Variants in PIK3C2B observed in about 807,000 individuals in gnomAD.
The protein encoded by PIK3C2B is phosphatidylinositol 4-phosphate 3-kinase C2 domain-containing subunit beta.
In PIK3C2B, 83 loss-of-function variants were observed where a neutral mutation model predicts 184.3. The ratio of observed to expected loss-of-function variants is 0.45; its 90% confidence interval spans 0.38 to 0.54. The LOEUF (loss-of-function observed/expected upper bound fraction) is 0.54, where lower values mean the gene tolerates loss of function less well. PIK3C2B is among the 20% of genes least tolerant of loss of function. The pLI is 0.00. For synonymous variants in PIK3C2B, 779 were observed against 837.6 expected, an observed-to-expected ratio of 0.93 and a Z score of 1.21; for missense variants, 1,736 against 2,113.5, an observed-to-expected ratio of 0.82 and a Z score of 3.50.
rs1294903699 is a variant in PIK3C2B at position 204,424,064 on chromosome 1, G to A, written c.*788C>T. The A allele has an allele frequency of 1.3e-5, 2 of 152,960 alleles. No individual in the cohort carries two copies. The highest frequency in any genetic ancestry group is 3.9e-4 in the East Asian group (2 of 5,188). 9.5% of individuals were successfully genotyped at this position (152,960 alleles called of 1,614,324 possible). On this transcript the variant is annotated 3_prime_UTR_variant, in exon 33 of 33. Transcript: ENST00000684373. ...AGTCCTAATAAAGTAGGGAAGACAA[G>A]AGGAAAAGTCCCCCCAAAAGAGCAT...
At position 204,460,317 on chromosome 1, in the gene PIK3C2B, C is replaced by T. The variant is rs770164854; in HGVS notation, c.1502+7G>A. 2.5e-6 allele frequency: 4 copies of T among 1,609,070 alleles called. No individual in the cohort carries two copies. The highest frequency in any genetic ancestry group is 3.4e-6 in the Non-Finnish European group (4 of 1,175,466). On this transcript the variant is annotated splice_region_variant and intron_variant, in intron 7 of 32. Coordinates refer to ENST00000684373, the MANE Select transcript of PIK3C2B (RefSeq NM_001377334.1). ...TGGAGCACATCCAAGATGGTGCCCA[C>T]ACTCACCTGCTGATGGTCTGCTTGA...
In PIK3C2B at chr1:204,424,541, C is replaced by A; in HGVS notation, c.*311G>T. The A allele has an allele frequency of 2.4e-5, 7 of 297,538 alleles. No individual in the cohort carries two copies. Among genetic ancestry groups the A allele is most frequent in the African/African-American group, 2.9e-5 (1 of 34,332 alleles). 18.4% of individuals were successfully genotyped at this position (297,538 alleles called of 1,614,324 possible). A position where few individuals can be genotyped will look rare whatever the true frequency, so the allele number is the denominator to read the frequency against. On this transcript the variant is annotated 3_prime_UTR_variant, in exon 33 of 33. Coordinates refer to ENST00000684373, the MANE Select transcript of PIK3C2B (RefSeq NM_001377334.1). ...CCCACCCCCAAAATGCTACTTCATA[C>A]AGCCCACCCCACACACTCCCCAAAC... is the stretch of plus-strand genomic sequence containing the variant.
At chr1:204,485,156 C>A (rs977937274) in intron 1 of PIK3C2B, among the ~76,000 whole-genome samples, 1 of 151,890 alleles carries the variant, frequency 6.6e-6, no homozygotes. Flanking sequence ...TCAAGCAATC[C>A]TCCCACCCCG....
intron 1 of PIK3C2B, among the ~76,000 whole-genome samples, chr1:204,475,975 T>C (rs1217889449): frequency 6.6e-6 from 1 of 151,844 alleles, no homozygotes; most frequent in East Asian, 1.9e-4. Flanking sequence ...TGCTGAGAGG[T>C]GGCAGTGAGG....
intron 27 of PIK3C2B, 94 bp downstream of exon 27, chr1:204,432,106 G>C: frequency 8.9e-7 from 1 of 1,122,924 alleles, no homozygotes; most frequent in South Asian, 1.3e-5. Flanking sequence ...GTCAACTCCT[G>C]TGCCCACTGT....
chr1:204,452,117 A>G (rs1654412784), intron 12 of PIK3C2B, among the ~76,000 whole-genome samples: 1 of 152,080 alleles, frequency 6.6e-6, no homozygotes, highest in Non-Finnish European at 1.5e-5. Flanking sequence ...TGCCCTTCAC[A>G]AGGCGCTAGG....
intron 1 of PIK3C2B, among the ~76,000 whole-genome samples, chr1:204,487,779 T>C (rs1657724952): frequency 6.6e-6 from 1 of 152,116 alleles, no homozygotes; most frequent in South Asian, 2.1e-4. Context: ...GGGCACCTTA[T>C]CACAATCGAT....
chr1:204,461,802 G>A (rs1430264581), intron 5 of PIK3C2B, among the ~76,000 whole-genome samples: 9 of 151,920 alleles, frequency 5.9e-5, no homozygotes, highest in Admixed American at 1.3e-4. Flanking sequence ...GAGGTGGCAG[G>A]AAACCCAACC....
rs1675243325 is a variant in PIK3C2B at position 204,434,605 on chromosome 1, C to A, written c.3520G>T (p.Val1174Leu). ...NPGEDEYEKA[V>L]ENFIYSCAGC... ...GCGCAGGAGTAGATAAAGTTCTCCA[C>A]AGCCTGGGAGGGGTCAAGGCAGATG... Residue 1174 changes from valine (V) to leucine (L), a missense_variant, in exon 24 of 33, where the codon GTG (valine) becomes TTG (leucine). Physicochemically the swap from Val to Leu is conservative, Grantham distance 32. Coordinates refer to ENST00000684373, the MANE Select transcript of PIK3C2B (RefSeq NM_001377334.1). 1 of 1,612,568 alleles carries A rather than the reference C, an allele frequency of 6.2e-7. No homozygotes were observed. The highest frequency in any genetic ancestry group is 8.5e-7 in the Non-Finnish European group (1 of 1,178,920).
chr1:204,484,166 A>G (rs1452762547), intron 1 of PIK3C2B, among the ~76,000 whole-genome samples: 1 of 152,192 alleles, frequency 6.6e-6, no homozygotes, highest in Non-Finnish European at 1.5e-5. Context: ...TCACAGAAAT[A>G]GAAGGAAGGA....
At chr1:204,466,142 G>A (rs1320816996) in intron 2 of PIK3C2B, among the ~76,000 whole-genome samples, 1 of 152,236 alleles carries the variant, frequency 6.6e-6, no homozygotes, top group Non-Finnish European at 1.5e-5. Flanking sequence ...CCAGCCCTAG[G>A]GAGAAGGAAG....
chr1:204,475,395 G>C (rs1656635164), intron 1 of PIK3C2B, among the ~76,000 whole-genome samples: 3 of 152,080 alleles, frequency 2.0e-5, no homozygotes, highest in Non-Finnish European at 4.4e-5. Flanking sequence ...CATGTTTATG[G>C]ATCCATCACC....
chr1:204,424,645 A>G lies in PIK3C2B; in HGVS notation c.*207T>C, dbSNP rs756910845. The stretch of plus-strand genomic sequence containing the variant: ...AGCCTCCAAGGGGCTGCTCATCACA[A>G]CCAACCCAAGTTCAGTCTCCAGAGG... On this transcript the variant is annotated 3_prime_UTR_variant, in exon 33 of 33. Transcript: ENST00000684373. 6 of 746,446 alleles carry G rather than the reference A, an allele frequency of 8.0e-6. No individual in the cohort carries two copies. The highest frequency in any genetic ancestry group is 1.5e-5 in the Non-Finnish European group (6 of 407,948). The allele number at this position is 746,446 out of a possible 1,614,324, so 46.2% of individuals were successfully genotyped here.
intron 12 of PIK3C2B, 197 bp downstream of exon 12, chr1:204,454,472 G>T: frequency 3.9e-6 from 2 of 514,902 alleles, no homozygotes; most frequent in South Asian, 2.7e-5. Flanking sequence ...ACAAAGCGAG[G>T]CTGCCTCTCA....
At chr1:204,455,503 C>A (rs915801965) in intron 11 of PIK3C2B, among the ~76,000 whole-genome samples, 9 of 152,128 alleles carry the variant, frequency 5.9e-5, no homozygotes, top group Non-Finnish European at 1.3e-4. Context: ...CTCCCCACCC[C>A]CTCCCACTGG....
chr1:204,446,123 C>G lies in PIK3C2B; in HGVS notation c.2511G>C (p.Lys837Asn), dbSNP rs770333143. The change falls in exon 16 of 33, where the codon AAG becomes AAC. Residue 837 changes from lysine (K) to asparagine (N), a missense_variant. Transcript: ENST00000684373. Reference protein sequence around the residue: ...SLYWLTDADKKRLWEKRYYCH... With the variant: ...SLYWLTDADKNRLWEKRYYCH... ...AGTAATATCGCTTCTCCCACAGGCGCTTCTTGTCAGCATCAGTGAGCCTGG... is the reference window on the plus strand; with the variant it reads ...AGTAATATCGCTTCTCCCACAGGCGGTTCTTGTCAGCATCAGTGAGCCTGG... 21 of 1,569,004 alleles carry G rather than the reference C, an allele frequency of 1.3e-5. No homozygotes were observed. In the East Asian group the frequency reaches 4.8e-4, roughly 36 times the overall value.
At chr1:204,487,589 A>C (rs1029432263) in intron 1 of PIK3C2B, among the ~76,000 whole-genome samples, 3 of 152,154 alleles carry the variant, frequency 2.0e-5, no homozygotes, top group African/African-American at 4.8e-5. Context: ...TTGAAGGCAA[A>C]ATTGTAATGT....
intron 28 of PIK3C2B, among the ~76,000 whole-genome samples, chr1:204,430,359 T>C (rs1321020556): frequency 6.6e-6 from 1 of 152,092 alleles, no homozygotes; most frequent in Admixed American, 6.5e-5. Context: ...CCTTTTTTTT[T>C]TTTTGAGATG....
intron 1 of PIK3C2B, among the ~76,000 whole-genome samples, chr1:204,472,218 C>T (rs938751878): frequency 2.6e-4 from 39 of 150,200 alleles, no homozygotes; most frequent in East Asian, 7.9e-4. Flanking sequence ...GGCTGGAGTG[C>T]AGTGGCAGGA....
Sources: gnomAD v4.1 joint callset for allele counts (sites outside exome capture counted in the v4.1 genomes callset) on GRCh38, gnomAD v4.1.1 for gene constraint, MANE v1.5 for transcripts, NCBI Gene and HGNC (gene_info 2026-07-23, HGNC 2026-07-21) for gene names.